Variants in BICD1 observed in about 807,000 individuals in gnomAD.
BICD1 encodes the protein BICD cargo adaptor 1.
In BICD1, 35 loss-of-function variants were observed where a neutral mutation model predicts 92.5. The ratio of observed to expected loss-of-function variants is 0.38; its 90% CI spans 0.29 to 0.50. The LOEUF (loss-of-function observed/expected upper bound fraction) is 0.50, where lower values mean the gene tolerates loss of function less well. BICD1 is among the 20% of genes least tolerant of loss of function. The pLI is 0.93. For missense variants in BICD1, 950 were observed against 1,189.8 expected (o/e 0.80, Z 2.97); for synonymous variants, 429 against 465.1 (o/e 0.92, Z 1.00).
intron 8 of BICD1, among the ~76,000 whole-genome samples, chr12:32,346,558 A>ATATATATATATATATATACGTGTG (rs1565687056): frequency 1.8e-4 from 4 of 22,090 alleles, no homozygotes; most frequent in Non-Finnish European, 2.2e-4. Context: ...ATATATATAT[A>ATATATATATATATATATACGTGTG]TATATATATA....
chr12:32,170,364 A>G (rs1272015222), intron 1 of BICD1, among the ~76,000 whole-genome samples: 2 of 152,162 alleles, frequency 1.3e-5, no homozygotes, highest in African/African-American at 4.8e-5. Context: ...ATGAGGCAGG[A>G]TATACATTCA....
At chr12:32,170,765 C>T (rs1943911802) in intron 1 of BICD1, among the ~76,000 whole-genome samples, 1 of 152,272 alleles carries the variant, frequency 6.6e-6, no homozygotes, top group Non-Finnish European at 1.5e-5. Flanking sequence ...ACCAGGGAGA[C>T]ATTTGGTTAT....
In BICD1 at chr12:32,138,211, A is replaced by G. The variant is rs923411032; in HGVS notation, c.213+30667A>G. 2.0e-5 allele frequency among the ~76,000 whole-genome samples: 3 copies of G among 152,234 alleles called. 1 individual carries two copies. In the South Asian group the frequency reaches 6.2e-4, roughly 32 times the overall value. ...CATATGCCTCATTAGCCTATGAAGT[A>G]GAGGCTTTTATTATTATTTCCACTT... On this transcript the variant is annotated intron_variant, in intron 1 of 9. Transcript: ENST00000652176.
At chr12:32,290,552 A>G (rs957385859) in intron 2 of BICD1, among the ~76,000 whole-genome samples, 15 of 152,194 alleles carry the variant, frequency 9.9e-5, no homozygotes, top group Admixed American at 3.3e-4. Flanking sequence ...ACCAGGCTTC[A>G]AGCTTGCTCC....
chr12:32,370,581 A>C (rs958843645), intron 9 of BICD1, among the ~76,000 whole-genome samples: 3 of 152,100 alleles, frequency 2.0e-5, no homozygotes, highest in Admixed American at 6.6e-5. Context: ...ATTATACCTG[A>C]GAGAGTGAAT....
At chr12:32,362,466 A>T (rs925474496) in intron 8 of BICD1, among the ~76,000 whole-genome samples, 1 of 152,244 alleles carries the variant, frequency 6.6e-6, no homozygotes, top group Non-Finnish European at 1.5e-5. Flanking sequence ...TCTCTCTGCC[A>T]ATGAAATGTA....
chr12:32,275,320 T>C (rs1947246088), intron 2 of BICD1, among the ~76,000 whole-genome samples: 1 of 152,160 alleles, frequency 6.6e-6, no homozygotes, highest in Non-Finnish European at 1.5e-5. Flanking sequence ...GCGGGATAGA[T>C]AAGATACTAG....
At position 32,287,686 on chromosome 12, in the gene BICD1, G is replaced by A. The variant is rs536878084; in HGVS notation, c.427-6308G>A. Among the ~76,000 whole-genome samples the A allele has an allele frequency of 1.3e-4, 20 of 152,084 alleles. No individual in the cohort carries two copies. The East Asian group carries it at 2.3e-3, about 18-fold the overall frequency. On this transcript the variant is annotated intron_variant, in intron 2 of 9. Transcript: ENST00000652176. ...CAAGTAGCTGGGACTACAGGTGCCC[G>A]CCACCACACCTGGTTACTTTTTTAT...
At chr12:32,374,219 A>AAAAAG (rs1360062918) in intron 9 of BICD1, among the ~76,000 whole-genome samples, 42 of 152,042 alleles carry the variant, frequency 2.8e-4, no homozygotes, top group African/African-American at 7.0e-4. Context: ...GCTCAAAAAA[A>AAAAAG]AAAAGAAAAG....
chr12:32,335,117 G>A (rs766548352), intron 6 of BICD1, among the ~76,000 whole-genome samples: 1 of 151,954 alleles, frequency 6.6e-6, no homozygotes, highest in Admixed American at 6.6e-5. Context: ...CTGTCATAAT[G>A]AAGATTAATA....
At chr12:32,141,745 A>T (rs1167465527) in intron 1 of BICD1, among the ~76,000 whole-genome samples, 1 of 152,160 alleles carries the variant, frequency 6.6e-6, no homozygotes, top group African/African-American at 2.4e-5. Context: ...AAGTGCTGGG[A>T]TTACAGGCGT....
chr12:32,315,199 T>C (rs1948468119), intron 4 of BICD1, among the ~76,000 whole-genome samples: 1 of 152,218 alleles, frequency 6.6e-6, no homozygotes, highest in Non-Finnish European at 1.5e-5. Context: ...GCACCATTTG[T>C]TGAAAAGACT....
At chr12:32,119,527 A>G (rs1942066545) in intron 1 of BICD1, among the ~76,000 whole-genome samples, 2 of 152,196 alleles carry the variant, frequency 1.3e-5, no homozygotes, top group Admixed American at 6.5e-5. Context: ...CCCCTCTTCT[A>G]TATTTCCAAC....
chr12:32,163,226 T>A (rs1275104336), intron 1 of BICD1, among the ~76,000 whole-genome samples: 1 of 152,138 alleles, frequency 6.6e-6, no homozygotes, highest in Non-Finnish European at 1.5e-5. Context: ...ATATAACATT[T>A]TATTATTTAA....
intron 2 of BICD1, among the ~76,000 whole-genome samples, chr12:32,272,955 G>C (rs1305088907): frequency 6.6e-6 from 1 of 152,190 alleles, no homozygotes; most frequent in Non-Finnish European, 1.5e-5. Context: ...GGTTTTAAAA[G>C]TCTATCTGCA....
chr12:32,352,550 C>G (rs572056890), intron 8 of BICD1: 1 of 151,972 alleles, frequency 6.6e-6, no homozygotes, highest in African/African-American at 2.4e-5. Context: ...GACACATTTC[C>G]TCATCTTAAG....
intron 2 of BICD1, among the ~76,000 whole-genome samples, chr12:32,217,954 C>G (rs1945407679): frequency 6.6e-6 from 1 of 152,194 alleles, no homozygotes; most frequent in Non-Finnish European, 1.5e-5. Flanking sequence ...GGACCGTGTG[C>G]ACACGCATGC....
At chr12:32,258,710 AGAGAG>A (rs1355475789) in intron 2 of BICD1, among the ~76,000 whole-genome samples, 1 of 152,226 alleles carries the variant, frequency 6.6e-6, no homozygotes, top group Non-Finnish European at 1.5e-5. Context: ...TAGCTGAAGC[AGAGAG>A]GGAAGACAGC....
intron 2 of BICD1, among the ~76,000 whole-genome samples, chr12:32,257,851 A>G (rs1403239317): frequency 2.6e-5 from 4 of 152,182 alleles, no homozygotes; most frequent in Non-Finnish European, 4.4e-5. Context: ...TTTGTTCTCA[A>G]TATATATAAT....
Sources: allele counts gnomAD v4.1 joint callset (sites outside exome capture counted in the v4.1 genomes callset), GRCh38; gene constraint gnomAD v4.1.1; transcripts MANE v1.5; gene names NCBI Gene and HGNC (gene_info 2026-07-23, HGNC 2026-07-21).